The following MCC variants were observed in gnomAD, a reference collection of about 807,000 sequenced individuals.
The protein encoded by MCC is colorectal mutant cancer protein.
MCC carries 90 observed loss-of-function variants against 116.2 expected under a neutral mutation model. The observed-to-expected ratio is 0.77, with a 90% CI of 0.65 to 0.92. The LOEUF (loss-of-function observed/expected upper bound fraction) is 0.92, where lower values mean the gene tolerates loss of function less well. MCC is among the 40% of genes least tolerant of loss of function. The probability of loss-of-function intolerance (pLI) is 0.00; values close to 1 mark genes in which losing one functional copy is unlikely to be tolerated. For synonymous variants in MCC, 578 were observed against 510.5 expected, an observed-to-expected ratio of 1.13 and a Z score of -1.78; for missense variants, 1,516 against 1,312.2, an observed-to-expected ratio of 1.16 and a Z score of -2.40.
intron 3 of MCC, among the ~76,000 whole-genome samples, chr5:113,194,650 C>G (rs1398311197): frequency 6.6e-6 from 1 of 151,460 alleles, no homozygotes; most frequent in Admixed American, 6.6e-5. Flanking sequence ...AAAGGAAGAC[C>G]CTGCCTCAAA....
chr5:113,088,794 A>G (rs544185964), intron 8 of MCC, among the ~76,000 whole-genome samples: 1 of 152,204 alleles, frequency 6.6e-6, no homozygotes. Context: ...GTAGTAATCC[A>G]AATACTCCTT....
chr5:113,195,154 C>T (rs1309660437), intron 3 of MCC, among the ~76,000 whole-genome samples: 1 of 152,212 alleles, frequency 6.6e-6, no homozygotes, highest in Non-Finnish European at 1.5e-5. Context: ...ACACACAGAT[C>T]ACACTTGGTG....
At chr5:113,344,350 C>T (rs1768084417) in intron 2 of MCC, among the ~76,000 whole-genome samples, 1 of 152,158 alleles carries the variant, frequency 6.6e-6, no homozygotes, top group Non-Finnish European at 1.5e-5. Flanking sequence ...ACTTGAAAGG[C>T]AGTCTAGGAC....
At chr5:113,251,296 G>A (rs1010742291) in intron 3 of MCC, among the ~76,000 whole-genome samples, 2 of 152,052 alleles carry the variant, frequency 1.3e-5, no homozygotes, top group African/African-American at 4.8e-5. Context: ...TTTTTAAGTT[G>A]GTATTGCCTA....
At chr5:113,284,438 A>C (rs1766168368) in intron 3 of MCC, among the ~76,000 whole-genome samples, 1 of 152,246 alleles carries the variant, frequency 6.6e-6, no homozygotes, top group East Asian at 1.9e-4. Context: ...GATTTACTGA[A>C]GAATTAAACT....
At chr5:113,073,772 C>A (rs1306437274) in intron 11 of MCC, among the ~76,000 whole-genome samples, 1 of 152,082 alleles carries the variant, frequency 6.6e-6, no homozygotes, top group African/African-American at 2.4e-5. Context: ...CACGGAGCTT[C>A]GCTCACTGCT....
At chr5:113,029,205 GC>G (rs1750787677) in intron 17 of MCC, 149 bp from the exon 18 acceptor site, 2 of 597,280 alleles carry the variant, frequency 3.3e-6, no homozygotes, top group Admixed American at 7.4e-5. Context: ...GCCCAACAGC[GC>G]TACTGTCACC....
At chr5:113,418,623 A>G (rs889837310) in intron 1 of MCC, among the ~76,000 whole-genome samples, 3 of 152,178 alleles carry the variant, frequency 2.0e-5, no homozygotes, top group African/African-American at 7.2e-5. Flanking sequence ...TACTGTATGT[A>G]AAGCTTTTAG....
rs140853526 is a variant in MCC, at chr5:113,308,237, C to T, written c.627+32282G>A. Among the ~76,000 whole-genome samples the T allele has an allele frequency of 2.0e-5, 3 of 152,290 alleles. No individual in the cohort carries two copies. In the East Asian group the frequency reaches 5.8e-4, roughly 29 times the overall value. On this transcript the variant is annotated intron_variant, in intron 3 of 18. Coordinates refer to ENST00000408903, the MANE Select transcript of MCC (RefSeq NM_001085377.2). ...TCTTTGGTGCCTGTCTAAATCTTAA[C>T]AACTTTTTAACTCTTGTCCTGACAT...
At chr5:113,080,001 C>T (rs1168810552) in intron 11 of MCC, among the ~76,000 whole-genome samples, 1 of 152,178 alleles carries the variant, frequency 6.6e-6, no homozygotes, top group African/African-American at 2.4e-5. Flanking sequence ...AGGATATGAA[C>T]AGACACTTCT....
At chr5:113,087,606 C>G (rs146673521) in intron 8 of MCC, among the ~76,000 whole-genome samples, 1 of 152,044 alleles carries the variant, frequency 6.6e-6, no homozygotes, top group African/African-American at 2.4e-5. Flanking sequence ...TTGCAACCTC[C>G]GGTGAATTCA....
chr5:113,211,907 G>A (rs1412074560), intron 3 of MCC, among the ~76,000 whole-genome samples: 1 of 152,130 alleles, frequency 6.6e-6, no homozygotes, highest in African/African-American at 2.4e-5. Flanking sequence ...ATGCCTAATA[G>A]CAAACTTTTA....
chr5:113,175,275 C>A (rs1761276548), intron 3 of MCC, among the ~76,000 whole-genome samples: 2 of 152,090 alleles, frequency 1.3e-5, no homozygotes, highest in Non-Finnish European at 2.9e-5. Context: ...AAATAATGAA[C>A]CCCATTAGAA....
chr5:113,111,752 C>T lies in MCC; in HGVS notation c.1028-7397G>A, dbSNP rs570757517. On this transcript the variant is annotated intron_variant, in intron 6 of 18. Transcript: ENST00000408903. ...GTTGCATTTTCCAGGAACCTATCAA[C>T]GACGTTGAGGACTTACTATACTTTG... 3.9e-5 allele frequency among the ~76,000 whole-genome samples: 6 copies of T among 152,226 alleles called. No individual in the cohort carries two copies. In the East Asian group the frequency reaches 5.8e-4, roughly 15 times the overall value.
At chr5:113,398,598 T>G (rs970218872) in intron 1 of MCC, among the ~76,000 whole-genome samples, 1 of 152,164 alleles carries the variant, frequency 6.6e-6, no homozygotes, top group Non-Finnish European at 1.5e-5. Context: ...AAATACCACA[T>G]GTTCTCACTT....
intron 6 of MCC, among the ~76,000 whole-genome samples, chr5:113,110,996 C>A (rs1453858781): frequency 6.6e-5 from 10 of 152,266 alleles, no homozygotes; most frequent in Non-Finnish European, 1.3e-4. Context: ...GCTCTGCCCG[C>A]CTCCACCCAA....
At chr5:113,372,954 G>C (rs538266440) in intron 2 of MCC, among the ~76,000 whole-genome samples, 11 of 152,100 alleles carry the variant, frequency 7.2e-5, no homozygotes. Context: ...CGAGGCGGGC[G>C]GTTCACGTGG....
At chr5:113,387,634 A>G (rs556236048) in intron 1 of MCC, among the ~76,000 whole-genome samples, 1 of 152,222 alleles carries the variant, frequency 6.6e-6, no homozygotes, top group South Asian at 2.1e-4. Context: ...ATTGGTAAAA[A>G]TATGGTGTAT....
intron 3 of MCC, among the ~76,000 whole-genome samples, chr5:113,322,725 T>C (rs1767448559): frequency 6.6e-6 from 1 of 152,230 alleles, no homozygotes; most frequent in African/African-American, 2.4e-5. Flanking sequence ...TATTAGGCAC[T>C]GGGCTGGGTA....
Sources: allele counts gnomAD v4.1 joint callset (sites outside exome capture counted in the v4.1 genomes callset), GRCh38; gene constraint gnomAD v4.1.1; transcripts MANE v1.5; gene names NCBI Gene and HGNC (gene_info 2026-07-23, HGNC 2026-07-21).